YAF2: variants seen among roughly 807,000 people sequenced by gnomAD.
YAF2 encodes the protein YY1 associated factor 2.
In YAF2, 7 loss-of-function variants were observed where a neutral mutation model predicts 20.1. The observed-to-expected ratio is 0.35, with a 90% CI of 0.20 to 0.65. The LOEUF (loss-of-function observed/expected upper bound fraction) is 0.65. Among genes scored for constraint, YAF2 ranks in the 30% least tolerant of loss-of-function variants. YAF2 has a pLI of 0.69. For missense variants in YAF2, 151 were observed against 219.2 expected (o/e 0.69, Z 1.96); for synonymous variants, 74 against 76.0 (o/e 0.97, Z 0.14).
chr12:42,197,702 C>T (rs889221595), intron 2 of YAF2, among the ~76,000 whole-genome samples: 1 of 152,126 alleles, frequency 6.6e-6, no homozygotes, highest in Non-Finnish European at 1.5e-5. Context: ...AAACATGTAA[C>T]CCGAAAAACC....
At chr12:42,192,217 C>A (rs2066631532) in intron 2 of YAF2, among the ~76,000 whole-genome samples, 1 of 151,928 alleles carries the variant, frequency 6.6e-6, no homozygotes, top group Non-Finnish European at 1.5e-5. Flanking sequence ...GTTAAAGAAC[C>A]TAGATTTTGG....
At chr12:42,204,625 A>C (rs1177980305) in intron 2 of YAF2, among the ~76,000 whole-genome samples, 2 of 152,228 alleles carry the variant, frequency 1.3e-5, no homozygotes, top group Non-Finnish European at 2.9e-5. Flanking sequence ...TAGTTCACAG[A>C]AGACTATTCA....
chr12:42,172,380 C>CA (rs1181352400), intron 2 of YAF2, among the ~76,000 whole-genome samples: 4 of 152,192 alleles, frequency 2.6e-5, no homozygotes, highest in Non-Finnish European at 5.9e-5. Context: ...GCCACAATGA[C>CA]AGCATGTACC....
chr12:42,211,330 G>T (rs560676608), intron 2 of YAF2, among the ~76,000 whole-genome samples: 1 of 151,300 alleles, frequency 6.6e-6, no homozygotes, highest in South Asian at 2.1e-4. Context: ...GGGTGGCTGA[G>T]GCACGAGAAC....
intron 2 of YAF2, among the ~76,000 whole-genome samples, chr12:42,172,753 G>A (rs1183157219): frequency 6.6e-6 from 1 of 152,094 alleles, no homozygotes; most frequent in African/African-American, 2.4e-5. Flanking sequence ...CTTACTAACT[G>A]ATGAATGGAT....
chr12:42,237,691 C>T lies in YAF2; in HGVS notation c.60G>A (p.Glu20=). 1.9e-6 allele frequency: 3 copies of T among 1,574,630 alleles called. No individual in the cohort carries two copies. Among genetic ancestry groups the T allele is most frequent in the Non-Finnish European group, 8.6e-7 (1 of 1,162,974 alleles). The stretch of plus-strand genomic sequence containing the variant: ...TGCAGACGCTACAGTCCCAGTAACC[C>T]TCATCCGAGGACGGCTTCGGCTGCC... ...PKRQPKPSSD[E]GYWDCSVCTF... Residue 20 remains glutamate, a synonymous_variant, in exon 2 of 4, where the codon GAG becomes GAA. Transcript: ENST00000534854.
intron 2 of YAF2, among the ~76,000 whole-genome samples, chr12:42,206,468 A>T (rs1004843117): frequency 1.3e-5 from 2 of 151,898 alleles, no homozygotes; most frequent in Non-Finnish European, 2.9e-5. Flanking sequence ...AATTAAGTGG[A>T]CGCGGTGGTG....
chr12:42,169,285 C>T (rs1429966710), intron 2 of YAF2, among the ~76,000 whole-genome samples: 2 of 152,208 alleles, frequency 1.3e-5, no homozygotes, highest in African/African-American at 2.4e-5. Flanking sequence ...TATTCCTCTT[C>T]CTACCTTCTC....
intron 2 of YAF2, among the ~76,000 whole-genome samples, chr12:42,216,594 T>A (rs2639128): frequency 0.018 from 2,754 of 152,292 alleles, 84 homozygotes; most frequent in African/African-American, 0.062. Flanking sequence ...TCTTTTCTCA[T>A]GGTAGGCAAT....
chr12:42,227,054 G>C (rs1196648241), intron 2 of YAF2, among the ~76,000 whole-genome samples: 1 of 145,810 alleles, frequency 6.9e-6, no homozygotes, highest in Non-Finnish European at 1.5e-5. Context: ...TGCCGCGACC[G>C]ACCGCAGCCG....
intron 2 of YAF2, among the ~76,000 whole-genome samples, chr12:42,182,459 C>A (rs574878615): frequency 2.3e-4 from 35 of 152,228 alleles, no homozygotes; most frequent in Admixed American, 7.8e-4. Context: ...TTATCACTTA[C>A]ATCAAAACTG....
At chr12:42,218,647 A>C (rs964878212) in intron 2 of YAF2, among the ~76,000 whole-genome samples, 45 of 152,180 alleles carry the variant, frequency 3.0e-4, no homozygotes, top group Admixed American at 2.4e-3. Flanking sequence ...ATTTGAGATT[A>C]TGGCATTCGG....
At chr12:42,202,851 G>A (rs373474959) in intron 2 of YAF2, among the ~76,000 whole-genome samples, 3 of 151,954 alleles carry the variant, frequency 2.0e-5, no homozygotes, top group Non-Finnish European at 4.4e-5. Flanking sequence ...TGGCCAAGCT[G>A]GTCTTGAACT....
At chr12:42,167,733 C>T (rs962059211) in intron 2 of YAF2, among the ~76,000 whole-genome samples, 17 of 152,264 alleles carry the variant, frequency 1.1e-4, no homozygotes, top group African/African-American at 4.1e-4. Context: ...TGGCCAGGCT[C>T]GGTGGCTCAC....
intron 2 of YAF2, among the ~76,000 whole-genome samples, chr12:42,178,907 G>A (rs2066266804): frequency 6.6e-6 from 1 of 152,096 alleles, no homozygotes. Context: ...TACCCCTTTA[G>A]CCAGGTGTGG....
At position 42,196,032 on chromosome 12, in the gene YAF2, GC is replaced by G. The variant is rs545265008; in HGVS notation, c.153-34268del. Among the ~76,000 whole-genome samples the G allele has an allele frequency of 2.8e-3, 433 of 151,932 alleles. 1 individual carries two copies. Among genetic ancestry groups the G allele is most frequent in the African/African-American group, 0.01 (418 of 41,428 alleles). On this transcript the variant is annotated intron_variant, in intron 2 of 3. Transcript: ENST00000534854. Reference sequence around the variant, plus strand: ...AGGTCAGGAGTTGGAGACCAGCCTGGCCAACATGGTGAAACCCCATCTCTAC... The same window carrying G: ...AGGTCAGGAGTTGGAGACCAGCCTGGCAACATGGTGAAACCCCATCTCTAC...
At chr12:42,176,427 A>G (rs538420557) in intron 2 of YAF2, among the ~76,000 whole-genome samples, 2 of 152,018 alleles carry the variant, frequency 1.3e-5, no homozygotes, top group East Asian at 3.9e-4. Flanking sequence ...AACCAACAAT[A>G]TACTCTTGAT....
intron 2 of YAF2, among the ~76,000 whole-genome samples, chr12:42,172,423 G>A (rs192972737): frequency 6.6e-6 from 1 of 152,286 alleles, no homozygotes; most frequent in Non-Finnish European, 1.5e-5. Context: ...TCTTAAATAT[G>A]CTTCAGCTGA....
chr12:42,161,537 T>C, intron 3 of YAF2, 76 bp downstream of exon 3: 1 of 1,444,588 alleles, frequency 6.9e-7, no homozygotes, highest in Non-Finnish European at 9.2e-7. Flanking sequence ...ACTTTGTGTA[T>C]ATTAGTATGT....
Sources: allele counts gnomAD v4.1 joint callset (sites outside exome capture counted in the v4.1 genomes callset), GRCh38; gene constraint gnomAD v4.1.1; transcripts MANE v1.5; gene names NCBI Gene and HGNC (gene_info 2026-07-23, HGNC 2026-07-21).